Variants in DPYD observed in about 807,000 individuals in gnomAD.
The protein encoded by DPYD is dihydropyrimidine dehydrogenase [NADP(+)].
Under a neutral mutation model 116.2 loss-of-function variants are expected in DPYD, and 109 were observed. The ratio of observed to expected loss-of-function variants is 0.94; its 90% confidence interval spans 0.80 to 1.10. The LOEUF (loss-of-function observed/expected upper bound fraction) is 1.10. DPYD is among the 50% of genes least tolerant of loss of function. The probability of loss-of-function intolerance (pLI) is 0.00; values close to 1 mark genes in which losing one functional copy is unlikely to be tolerated. For missense variants in DPYD, 1,302 were observed against 1,254.5 expected (o/e 1.04, Z -0.57); for synonymous variants, 440 against 432.0 (o/e 1.02, Z -0.23).
intron 8 of DPYD, among the ~76,000 whole-genome samples, chr1:97,616,447 T>C (rs1358198348): frequency 6.6e-6 from 1 of 152,164 alleles, no homozygotes; most frequent in Non-Finnish European, 1.5e-5. Context: ...CAAAATATTA[T>C]CTTTTTGAGA....
intron 1 of DPYD, among the ~76,000 whole-genome samples, chr1:97,918,942 G>T (rs1674363118): frequency 6.6e-6 from 1 of 152,110 alleles, no homozygotes. Flanking sequence ...TTCAAGAAAA[G>T]CATTCAAATT....
chr1:97,735,360 A>T (rs964730833), intron 4 of DPYD, among the ~76,000 whole-genome samples: 1 of 152,042 alleles, frequency 6.6e-6, no homozygotes, highest in Non-Finnish European at 1.5e-5. Context: ...ACAGAATATG[A>T]AAACGAATAT....
intron 3 of DPYD, among the ~76,000 whole-genome samples, chr1:97,816,718 C>T (rs765305166): frequency 1.3e-5 from 2 of 152,040 alleles, no homozygotes; most frequent in South Asian, 4.1e-4. Flanking sequence ...GGCACTAGTA[C>T]CTATGTCTCA....
At chr1:97,315,504 AC>A (rs1447903554) in intron 16 of DPYD, among the ~76,000 whole-genome samples, 3 of 151,670 alleles carry the variant, frequency 2.0e-5, no homozygotes, top group African/African-American at 7.3e-5. Context: ...TCTCCAATAA[AC>A]CTTTGGCCCT....
In DPYD at chr1:97,544,822, A is replaced by G. The variant is rs572112241; in HGVS notation, c.1524+4738T>C. ...ATTTAGGATAAGAACAAAAAACAAAATCCTCCACTGACCTGTGTTCAATTT... is the reference window on the plus strand; with the variant it reads ...ATTTAGGATAAGAACAAAAAACAAAGTCCTCCACTGACCTGTGTTCAATTT... On this transcript the variant is annotated intron_variant, in intron 12 of 22. Transcript: ENST00000370192. Among the ~76,000 whole-genome samples, 61 of 152,220 alleles carry G rather than the reference A, an allele frequency of 4.0e-4. 2 individuals carry two copies. The South Asian group carries it at 0.012, about 31-fold the overall frequency.
At chr1:97,155,158 G>A (rs957245870) in intron 20 of DPYD, among the ~76,000 whole-genome samples, 1 of 152,102 alleles carries the variant, frequency 6.6e-6, no homozygotes, top group Non-Finnish European at 1.5e-5. Flanking sequence ...ACTTGGGCTT[G>A]CTGCTATTAA....
At chr1:97,905,210 C>T (rs924752179) in intron 1 of DPYD, among the ~76,000 whole-genome samples, 1 of 151,912 alleles carries the variant, frequency 6.6e-6, no homozygotes, top group Non-Finnish European at 1.5e-5. Flanking sequence ...ACTATTTGCT[C>T]CTGTAGCATA....
At chr1:97,156,844 A>T (rs1419918011) in intron 20 of DPYD, among the ~76,000 whole-genome samples, 2 of 152,104 alleles carry the variant, frequency 1.3e-5, no homozygotes, top group African/African-American at 2.4e-5. Flanking sequence ...TCTATTCACA[A>T]TAGCAAAGAC....
At chr1:97,595,296 C>A (rs1654800584) in intron 8 of DPYD, 130 bp from the exon 9 acceptor site, 2 of 687,694 alleles carry the variant, frequency 2.9e-6, no homozygotes, top group Non-Finnish European at 5.0e-6. Context: ...GTAAGCAAAT[C>A]AATATAAAAT....
intron 18 of DPYD, among the ~76,000 whole-genome samples, chr1:97,277,616 A>G (rs1665030925): frequency 6.6e-6 from 1 of 152,050 alleles, no homozygotes; most frequent in Admixed American, 6.6e-5. Context: ...AATCCCATTG[A>G]CCTTCTCTAA....
intron 13 of DPYD, among the ~76,000 whole-genome samples, chr1:97,475,844 C>G (rs1677930969): frequency 6.6e-6 from 1 of 152,104 alleles, no homozygotes; most frequent in Admixed American, 6.6e-5. Context: ...ATCCTCCTTG[C>G]AACAATAACT....
In DPYD at chr1:97,780,807, T is replaced by G. The variant is rs77127259; in HGVS notation, c.234-40328A>C. On this transcript the variant is annotated intron_variant, in intron 3 of 22. Coordinates refer to ENST00000370192, the MANE Select transcript of DPYD (RefSeq NM_000110.4). ...TCTCTGGGTGTTCACCACTAAAAATTTGGTCGCTCAATTTGCAGAGTAATT... is the reference window on the plus strand; with the variant it reads ...TCTCTGGGTGTTCACCACTAAAAATGTGGTCGCTCAATTTGCAGAGTAATT... Among the ~76,000 whole-genome samples the G allele has an allele frequency of 1.7e-3, 253 of 152,278 alleles. 3 individuals carry two copies. Among genetic ancestry groups the G allele is most frequent in the Non-Finnish European group, 3.0e-3 (202 of 68,026 alleles).
At chr1:97,850,334 C>CT (rs1670509647) in intron 2 of DPYD, among the ~76,000 whole-genome samples, 1 of 152,114 alleles carries the variant, frequency 6.6e-6, no homozygotes, top group Non-Finnish European at 1.5e-5. Context: ...GGTTAAATCT[C>CT]TAATTTTCTC....
At chr1:97,627,803 C>T (rs1433293815) in intron 8 of DPYD, among the ~76,000 whole-genome samples, 3 of 151,510 alleles carry the variant, frequency 2.0e-5, no homozygotes, top group Non-Finnish European at 2.9e-5. Context: ...TCTGATATAA[C>T]ATTACTAATA....
chr1:97,626,783 C>T (rs894439100), intron 8 of DPYD, among the ~76,000 whole-genome samples: 3 of 152,166 alleles, frequency 2.0e-5, no homozygotes, highest in Non-Finnish European at 4.4e-5. Context: ...ATACATATTA[C>T]ATGCTAAGTA....
chr1:97,410,341 C>A (rs1250572005), intron 14 of DPYD, among the ~76,000 whole-genome samples: 1 of 152,074 alleles, frequency 6.6e-6, no homozygotes, highest in African/African-American at 2.4e-5. Flanking sequence ...TTTGCATCAG[C>A]TACCCGATAT....
At chr1:97,791,518 T>C (rs1163216329) in intron 3 of DPYD, among the ~76,000 whole-genome samples, 1 of 152,226 alleles carries the variant, frequency 6.6e-6, no homozygotes, top group Non-Finnish European at 1.5e-5. Context: ...TGTAAATTTT[T>C]TGAAGGAGTA....
At chr1:97,614,180 CA>C (rs1441232306) in intron 8 of DPYD, among the ~76,000 whole-genome samples, 1 of 151,740 alleles carries the variant, frequency 6.6e-6, no homozygotes, top group Non-Finnish European at 1.5e-5. Flanking sequence ...AGAATCCCTA[CA>C]AAAAATAAAT....
chr1:97,418,629 C>T (rs1050553024), intron 14 of DPYD, among the ~76,000 whole-genome samples: 3 of 152,076 alleles, frequency 2.0e-5, no homozygotes, highest in African/African-American at 7.2e-5. Context: ...AAAAGTATCA[C>T]ACGTTTTCCC....
Sources: allele counts gnomAD v4.1 joint callset (sites outside exome capture counted in the v4.1 genomes callset), GRCh38; gene constraint gnomAD v4.1.1; transcripts MANE v1.5; gene names NCBI Gene and HGNC (gene_info 2026-07-23, HGNC 2026-07-21).